Variants in LRBA observed in about 807,000 individuals in gnomAD.
LRBA encodes the protein LPS responsive beige-like anchor protein, also known as lipopolysaccharide-responsive and beige-like anchor protein.
Under a neutral mutation model 330.0 loss-of-function variants are expected in LRBA, and 176 were observed. That is an observed-to-expected ratio of 0.53 (90% CI 0.47 to 0.60). The LOEUF (loss-of-function observed/expected upper bound fraction) is 0.60, where lower values mean the gene tolerates loss of function less well. Ranked by LOEUF, LRBA falls within the 20% of genes least tolerant of loss-of-function variation. The pLI is 0.00. For missense variants in LRBA, 3,259 were observed against 3,444.8 expected, an observed-to-expected ratio of 0.95 and a Z score of 1.35; for synonymous variants, 1,230 against 1,193.0, an observed-to-expected ratio of 1.03 and a Z score of -0.64.
intron 37 of LRBA, among the ~76,000 whole-genome samples, chr4:150,653,611 T>C (rs1358146455): frequency 5.9e-5 from 9 of 152,196 alleles, no homozygotes; most frequent in Admixed American, 5.9e-4. Context: ...TACCAGATTG[T>C]TTGTCATTTC....
rs959513761 is a variant in LRBA at position 150,908,967 on chromosome 4, G to A, written c.1162-110C>T. The A allele has an allele frequency of 1.7e-5, 12 of 686,368 alleles. No homozygotes were observed. The East Asian group carries it at 3.0e-4, about 17-fold the overall frequency. 42.5% of individuals were successfully genotyped at this position (686,368 alleles called of 1,614,324 possible). A position where few individuals can be genotyped will look rare whatever the true frequency, so the allele number is the denominator to read the frequency against. On this transcript the variant is annotated intron_variant, in intron 9 of 56. Coordinates refer to ENST00000651943, the MANE Select transcript of LRBA (RefSeq NM_001364905.1). ...ACAGACCATTGATAATCTTTTAACA[G>A]TATTATATAAGAGGACCCCTCGTTT...
In LRBA at chr4:150,651,878, T is replaced by C. The variant is rs1364404999; in HGVS notation, c.5921+31673A>G. ...ACCTGATTGATGATTGATTGATTGA[T>C]TTAGAGACAGGGTTTGCTCTGTTGC... On this transcript the variant is annotated intron_variant, in intron 37 of 56. Coordinates refer to ENST00000651943, the MANE Select transcript of LRBA (RefSeq NM_001364905.1). Among the ~76,000 whole-genome samples the C allele has an allele frequency of 2.0e-5, 3 of 152,128 alleles. No homozygotes were observed. In the East Asian group the frequency reaches 5.8e-4, roughly 29 times the overall value.
chr4:150,874,889 G>T (rs947269731), intron 17 of LRBA, among the ~76,000 whole-genome samples: 1 of 152,048 alleles, frequency 6.6e-6, no homozygotes, highest in African/African-American at 2.4e-5. Context: ...TGCCCAGATT[G>T]GCAGCCTGAG....
Position 150,871,423 on chromosome 4 carries a change from TCC to T in LRBA, c.2287_2288del (p.Gly763IlefsTer7). The T allele has an allele frequency of 6.2e-7, 1 of 1,611,716 alleles. No homozygotes were observed. The highest frequency in any genetic ancestry group is 8.5e-7 in the Non-Finnish European group (1 of 1,178,154). ...GCCTTTCAGCTAGCAATGAAAACAA[TCC>T]ATGTCCAAGCATGACTTCTGCTTTC... ...KRKAEVMLGH[G>X]LFSLLAERLM... On this transcript the variant is annotated frameshift_variant, in exon 19 of 57. Coordinates refer to ENST00000651943, the MANE Select transcript of LRBA (RefSeq NM_001364905.1). LOFTEE classifies it high-confidence loss of function.
At chr4:150,576,622 G>A (rs1407824217) in intron 40 of LRBA, among the ~76,000 whole-genome samples, 1 of 151,658 alleles carries the variant, frequency 6.6e-6, no homozygotes, top group Non-Finnish European at 1.5e-5. Context: ...TTCAACTTGG[G>A]GGAAAACCCT....
At chr4:150,449,732 T>G (rs956042439) in intron 44 of LRBA, among the ~76,000 whole-genome samples, 1 of 152,124 alleles carries the variant, frequency 6.6e-6, no homozygotes, top group Non-Finnish European at 1.5e-5. Context: ...CTAGATTGAC[T>G]GAACTCCCCA....
At chr4:150,691,339 T>C (rs1784122825) in intron 36 of LRBA, among the ~76,000 whole-genome samples, 1 of 152,148 alleles carries the variant, frequency 6.6e-6, no homozygotes, top group South Asian at 2.1e-4. Context: ...ACAGAATATA[T>C]AAAGAATTCA....
intron 36 of LRBA, among the ~76,000 whole-genome samples, chr4:150,707,321 G>A (rs764416701): frequency 6.6e-6 from 1 of 151,678 alleles, no homozygotes; most frequent in Non-Finnish European, 1.5e-5. Context: ...AGGTAGACAT[G>A]AGATTGTTAA....
chr4:150,921,562 A>C (rs1396815155), intron 4 of LRBA, among the ~76,000 whole-genome samples: 1 of 152,052 alleles, frequency 6.6e-6, no homozygotes, highest in African/African-American at 2.4e-5. Flanking sequence ...TGCAGCAAAA[A>C]TGATCTTTTT....
At chr4:150,764,950 C>T (rs1257290041) in intron 34 of LRBA, among the ~76,000 whole-genome samples, 1 of 151,920 alleles carries the variant, frequency 6.6e-6, no homozygotes, top group Non-Finnish European at 1.5e-5. Flanking sequence ...AACTTATGAC[C>T]ACTTAGAAAT....
At chr4:151,003,505 T>G (rs11099781) in intron 2 of LRBA, among the ~76,000 whole-genome samples, 106,488 of 151,854 alleles carry the variant, frequency 0.7, 43,196 homozygotes, top group Non-Finnish European at 0.91. Flanking sequence ...TCACACTACT[T>G]GACAAGATGT....
chr4:150,920,612 T>C (rs937609828), intron 5 of LRBA, among the ~76,000 whole-genome samples: 18 of 152,210 alleles, frequency 1.2e-4, no homozygotes, highest in South Asian at 6.2e-4. Context: ...GAGGAGATTT[T>C]AGAAACTTCC....
intron 34 of LRBA, among the ~76,000 whole-genome samples, chr4:150,781,101 G>C (rs1017835254): frequency 6.6e-6 from 1 of 151,956 alleles, no homozygotes. Flanking sequence ...GGATGGTCTC[G>C]ATCTCCTGAC....
chr4:150,573,906 T>C (rs867741716), intron 40 of LRBA, among the ~76,000 whole-genome samples: 3 of 152,140 alleles, frequency 2.0e-5, no homozygotes, highest in Non-Finnish European at 2.9e-5. Flanking sequence ...CTTGGTAATA[T>C]CATAGTTGCT....
intron 2 of LRBA, among the ~76,000 whole-genome samples, chr4:150,980,877 T>C (rs1115223): frequency 0.98 from 148,856 of 152,198 alleles, 72,879 homozygotes; most frequent in Non-Finnish European, 1. Context: ...AAAGTAATCC[T>C]ATTTAAAATA....
At chr4:150,424,629 G>GCA (rs368621265) in intron 46 of LRBA, among the ~76,000 whole-genome samples, 26,975 of 150,092 alleles carry the variant, frequency 0.18, 2,400 homozygotes, top group African/African-American at 0.23. Context: ...GTGCACACAC[G>GCA]CACACACACA....
intron 13 of LRBA, among the ~76,000 whole-genome samples, chr4:150,903,791 CAT>C (rs533596456): frequency 3.3e-5 from 5 of 152,280 alleles, no homozygotes; most frequent in South Asian, 2.1e-4. Context: ...CAAGATTACT[CAT>C]ATGCTAATTA....
intron 36 of LRBA, among the ~76,000 whole-genome samples, chr4:150,731,643 A>C (rs948743601): frequency 6.6e-6 from 1 of 152,190 alleles, no homozygotes; most frequent in Admixed American, 6.5e-5. Context: ...CTCTGAGTTC[A>C]AAACAGTTTT....
In LRBA at chr4:150,489,504, A is replaced by AC. The variant is rs1232861996; in HGVS notation, c.6448+1413_6448+1414insG. Among the ~76,000 whole-genome samples, 56 of 38,300 alleles carry AC rather than the reference A, an allele frequency of 1.5e-3. 14 individuals are homozygous for AC. The highest frequency in any genetic ancestry group is 2.9e-3 in the Non-Finnish European group (42 of 14,650). The allele number at this position is 38,300 out of a possible 152,430, so 25.1% of individuals were successfully genotyped here. ...TAAGAATATATAATATATTATATAT[A>AC]AGAATATATAATATATAAGAATACA... On this transcript the variant is annotated intron_variant, in intron 41 of 56. Coordinates refer to ENST00000651943, the MANE Select transcript of LRBA (RefSeq NM_001364905.1).
Sources: gnomAD v4.1 joint callset for allele counts (sites outside exome capture counted in the v4.1 genomes callset) on GRCh38, gnomAD v4.1.1 for gene constraint, MANE v1.5 for transcripts, NCBI Gene and HGNC (gene_info 2026-07-23, HGNC 2026-07-21) for gene names.